The following KIF5C variants were observed in gnomAD, a reference collection of about 807,000 sequenced individuals.
KIF5C encodes the protein kinesin heavy chain isoform 5C.
KIF5C carries 18 observed loss-of-function variants against 125.2 expected under a neutral mutation model. The ratio of observed to expected loss-of-function variants is 0.14; its 90% CI spans 0.10 to 0.21. The LOEUF (loss-of-function observed/expected upper bound fraction) is 0.21. Ranked by LOEUF, KIF5C falls within the 10% of genes least tolerant of loss-of-function variation. The pLI, the probability that KIF5C is intolerant of heterozygous loss-of-function variation, is 1.00. For synonymous variants in KIF5C, 405 were observed against 434.0 expected, an observed-to-expected ratio of 0.93 and a Z score of 0.83; for missense variants, 780 against 1,183.8, an observed-to-expected ratio of 0.66 and a Z score of 5.01.
intron 2 of KIF5C, among the ~76,000 whole-genome samples, chr2:148,927,945 A>C (rs1346233255): frequency 6.6e-6 from 1 of 151,946 alleles, no homozygotes; most frequent in African/African-American, 2.4e-5. Context: ...AGCTTGATAC[A>C]AACTCTTGAG....
chr2:148,947,834 A>G (rs941002135), intron 8 of KIF5C: 7 of 454,998 alleles, frequency 1.5e-5, no homozygotes, highest in Middle Eastern at 3.3e-4. Context: ...CACTGACATC[A>G]TGCTGATTGT....
rs572660416 is a variant in KIF5C, at chr2:148,935,843, T to C, written c.292-1441T>C. Among the ~76,000 whole-genome samples, 6 of 152,276 alleles carry C rather than the reference T, an allele frequency of 3.9e-5. No homozygotes were observed. The East Asian group carries it at 1.2e-3, about 29-fold the overall frequency. On this transcript the variant is annotated intron_variant, in intron 3 of 25. Transcript: ENST00000435030. ...AATAAATACTAAATCTTGTAAGCAA[T>C]GGAGAGAAATATACATGCACTGGCC...
rs777681369 is a variant in KIF5C at position 148,949,808 on chromosome 2, G to A, written c.715-31G>A. 6.8e-6 allele frequency: 11 copies of A among 1,610,486 alleles called. 1 individual carries two copies. The South Asian group carries it at 8.9e-5, about 13-fold the overall frequency. Reference sequence around the variant, plus strand: ...CTACTTTGTGCTTCTGCCGTCCTGTGCTGCTCACTGCTTTCTTTTCTCTCT... The same window carrying A: ...CTACTTTGTGCTTCTGCCGTCCTGTACTGCTCACTGCTTTCTTTTCTCTCT... On this transcript the variant is annotated intron_variant, in intron 8 of 25. Transcript: ENST00000435030.
rs1681505627 is a variant in KIF5C, at chr2:148,990,867, T to G, written c.1717-143T>G. 3.6e-6 allele frequency: 5 copies of G among 1,392,844 alleles called. No homozygotes were observed. In the African/African-American group the frequency reaches 7.3e-5, roughly 20 times the overall value. 86.3% of individuals were successfully genotyped at this position (1,392,844 alleles called of 1,614,324 possible). A position where few individuals can be genotyped will look rare whatever the true frequency, so the allele number is the denominator to read the frequency against. On this transcript the variant is annotated intron_variant, in intron 15 of 25. Coordinates refer to ENST00000435030, the MANE Select transcript of KIF5C (RefSeq NM_004522.3). The stretch of plus-strand genomic sequence containing the variant: ...GTAGGAGAACTTGGGGTTGAATGTT[T>G]AGTACTTTCCGCTTGTCCTTTAATT...
chr2:148,930,050 T>G (rs530452410), intron 3 of KIF5C, among the ~76,000 whole-genome samples: 1 of 152,206 alleles, frequency 6.6e-6, no homozygotes, highest in Non-Finnish European at 1.5e-5. Flanking sequence ...TTTGTTAGTA[T>G]TTGTGAAAAT....
intron 1 of KIF5C, among the ~76,000 whole-genome samples, chr2:148,904,591 T>A (rs1250264670): frequency 6.6e-6 from 1 of 152,204 alleles, no homozygotes; most frequent in Non-Finnish European, 1.5e-5. Context: ...CTGGGGTAGA[T>A]CTGGGCTCCA....
intron 8 of KIF5C, 180 bp downstream of exon 8, chr2:148,947,203 G>T: frequency 1.0e-6 from 1 of 955,410 alleles, no homozygotes. Context: ...CTGGTCCTGA[G>T]GTCTCCTATT....
intron 23 of KIF5C, among the ~76,000 whole-genome samples, chr2:149,009,539 A>G (rs537519010): frequency 1.3e-5 from 2 of 152,258 alleles, no homozygotes; most frequent in East Asian, 3.9e-4. Context: ...GATGGCCAGG[A>G]CATAAAGAGC....
At position 149,023,898 on chromosome 2, in the gene KIF5C, T is replaced by C. The variant is rs1049707969; in HGVS notation, c.*828T>C. 6.6e-6 allele frequency: 1 copy of C among 152,084 alleles called. No homozygotes were observed. The highest frequency in any genetic ancestry group is 1.5e-5 in the Non-Finnish European group (1 of 68,012). The allele number at this position is 152,084 out of a possible 1,614,324, so 9.4% of individuals were successfully genotyped here. A position where few individuals can be genotyped will look rare whatever the true frequency, so the allele number is the denominator to read the frequency against. ...TGTGGCTGCCCCTCTCCTCACTACT[T>C]CCTCTCTGATCGTTCTGAAGCTTGC... On this transcript the variant is annotated 3_prime_UTR_variant, in exon 26 of 26. Coordinates refer to ENST00000435030, the MANE Select transcript of KIF5C (RefSeq NM_004522.3).
chr2:149,017,406 C>T (rs1001513846), intron 25 of KIF5C, among the ~76,000 whole-genome samples: 3 of 152,176 alleles, frequency 2.0e-5, no homozygotes, highest in Non-Finnish European at 2.9e-5. Context: ...AGACCAGAGA[C>T]GGTGTAAAAT....
chr2:148,946,808 T>C, intron 7 of KIF5C, 91 bp from the exon 8 acceptor site: 1 of 1,551,110 alleles, frequency 6.4e-7, no homozygotes, highest in South Asian at 1.3e-5. Context: ...AATGGATCTA[T>C]TAGGCATGAC....
chr2:149,015,459 A>G (rs982586079), intron 25 of KIF5C, among the ~76,000 whole-genome samples: 27 of 152,172 alleles, frequency 1.8e-4, no homozygotes, highest in Non-Finnish European at 2.9e-5. Context: ...AATGATCTCA[A>G]TTGTGTCTTC....
intron 3 of KIF5C, among the ~76,000 whole-genome samples, chr2:148,930,134 A>T (rs1013055954): frequency 6.6e-6 from 1 of 152,150 alleles, no homozygotes; most frequent in Non-Finnish European, 1.5e-5. Context: ...CACCCAGCCC[A>T]CTTCATGCAC....
chr2:148,962,422 A>G (rs1574792013), intron 11 of KIF5C, among the ~76,000 whole-genome samples: 1 of 150,200 alleles, frequency 6.7e-6, no homozygotes, highest in Non-Finnish European at 1.5e-5. Context: ...CAAGTGATCC[A>G]CCCACCTTGG....
Position 149,008,064 on chromosome 2 carries a change from G to A in KIF5C, c.2547G>A (p.Lys849=). The change falls in exon 23 of 26, where the codon AAG becomes AAA. Residue 849 remains lysine, a synonymous_variant. Coordinates refer to ENST00000435030, the MANE Select transcript of KIF5C (RefSeq NM_004522.3). ...TGGAGCAGCTCACCAAAGTTCACAA[G>A]CAGGTAGGAGAGTTCTGCCCGCTCC... The part of the protein sequence containing the change: ...NNLEQLTKVH[K]QLVRDNADLR... 3 of 1,610,222 alleles carry A rather than the reference G, an allele frequency of 1.9e-6. No individual in the cohort carries two copies. The highest frequency in any genetic ancestry group is 2.5e-6 in the Non-Finnish European group (3 of 1,177,364).
At chr2:148,949,803 C>T (rs1174839952) in intron 8 of KIF5C, 36 bp from the exon 9 acceptor site, 11 of 1,608,980 alleles carry the variant, frequency 6.8e-6, no homozygotes, top group African/African-American at 4.0e-5. Context: ...CTTCTGCCGT[C>T]CTGTGCTGCT....
intron 12 of KIF5C, among the ~76,000 whole-genome samples, chr2:148,977,659 T>C (rs1681112943): frequency 6.6e-6 from 1 of 152,206 alleles, no homozygotes. Flanking sequence ...AAGGGTTCAG[T>C]AGAAACAGGA....
intron 19 of KIF5C, among the ~76,000 whole-genome samples, chr2:148,999,389 T>C (rs1681780027): frequency 6.6e-6 from 1 of 152,330 alleles, no homozygotes; most frequent in Middle Eastern, 3.4e-3. Context: ...AGTTAGACTT[T>C]AATTCTCCAG....
In KIF5C at chr2:148,875,603, C is replaced by T. The variant is rs1681159223; in HGVS notation, c.-15C>T. The T allele has an allele frequency of 6.5e-7, 1 of 1,540,118 alleles. No individual in the cohort carries two copies. Among genetic ancestry groups the T allele is most frequent in the East Asian group, 2.5e-5 (1 of 40,366 alleles). ...CCCCACCCATCCCCGTGCCCCCTCCCTACCGCCGGCCGAGATGGCGGATCC... is the reference window on the plus strand; with the variant it reads ...CCCCACCCATCCCCGTGCCCCCTCCTTACCGCCGGCCGAGATGGCGGATCC... On this transcript the variant is annotated 5_prime_UTR_variant, in exon 1 of 26. Transcript: ENST00000435030.
Sources: gnomAD v4.1 joint callset for allele counts (sites outside exome capture counted in the v4.1 genomes callset) on GRCh38, gnomAD v4.1.1 for gene constraint, MANE v1.5 for transcripts, NCBI Gene and HGNC (gene_info 2026-07-23, HGNC 2026-07-21) for gene names.